Variants in RIMKLA observed in about 807,000 individuals in gnomAD.
RIMKLA encodes ribosomal modification protein rimK like family member A.
Under a neutral mutation model 32.7 loss-of-function variants are expected in RIMKLA, and 14 were observed. The observed-to-expected ratio is 0.43, with a 90% CI of 0.28 to 0.67. The LOEUF (loss-of-function observed/expected upper bound fraction) is 0.67. Ranked by LOEUF, RIMKLA falls within the 30% of genes least tolerant of loss-of-function variation. The probability of loss-of-function intolerance (pLI) is 0.18; values close to 1 mark genes in which losing one functional copy is unlikely to be tolerated. For missense variants in RIMKLA, 410 were observed against 519.0 expected (o/e 0.79, Z 2.04); for synonymous variants, 176 against 204.1 (o/e 0.86, Z 1.18).
Position 42,416,363 on chromosome 1 carries a change from A to G in RIMKLA, c.*1389A>G, listed in dbSNP as rs1420447357. 2 of 152,238 alleles carry G rather than the reference A, an allele frequency of 1.3e-5. No individual in the cohort carries two copies. The highest frequency in any genetic ancestry group is 2.9e-5 in the Non-Finnish European group (2 of 68,038). The allele number at this position is 152,238 out of a possible 1,614,324, so 9.4% of individuals were successfully genotyped here. ...TTGGGATTACCTTTGAAGCCATGCA[A>G]GGCAAGAGGCCTCACAACTTTATAG... On this transcript the variant is annotated 3_prime_UTR_variant, in exon 5 of 5. Transcript: ENST00000431473.
In RIMKLA at chr1:42,410,194, T is replaced by A; in HGVS notation, c.685+7T>A. 4 of 1,613,256 alleles carry A rather than the reference T, an allele frequency of 2.5e-6. No homozygotes were observed. Among genetic ancestry groups the A allele is most frequent in the Non-Finnish European group, 3.4e-6 (4 of 1,179,276 alleles). On this transcript the variant is annotated splice_region_variant and intron_variant, in intron 4 of 4. Transcript: ENST00000431473. ...CAGAGCAACTGCTCTCTCGGTAAGG[T>A]ATAAAAGCACAGGGTTTTATTAGGG...
Position 42,385,883 on chromosome 1 carries a change from TTTCTTTCTTTCTTTCC to T in RIMKLA, c.163+4794_163+4809del, listed in dbSNP as rs1557750091. 1.4e-4 allele frequency among the ~76,000 whole-genome samples: 13 copies of T among 90,248 alleles called. 1 individual carries two copies. The highest frequency in any genetic ancestry group is 8.9e-4 in the East Asian group (4 of 4,518). 59.2% of individuals were successfully genotyped at this position (90,248 alleles called of 152,430 possible). A position where few individuals can be genotyped will look rare whatever the true frequency, so the allele number is the denominator to read the frequency against. On this transcript the variant is annotated intron_variant, in intron 1 of 4. Coordinates refer to ENST00000431473, the MANE Select transcript of RIMKLA (RefSeq NM_173642.4). ...CTTTCTTTCTTTCTTTCTTTCTTTC[TTTCTTTCTTTCTTTCC>T]TTCTTTCCTTCTTTCCTTCTTTCTT...
At chr1:42,399,663 TCATGTG>T in intron 2 of RIMKLA, 29 bp downstream of exon 2, 1 of 1,329,014 alleles carries the variant, frequency 7.5e-7, no homozygotes, top group Non-Finnish European at 1.1e-6. Context: ...GCTTCCCAAA[TCATGTG>T]CATCTCTGTT....
intron 1 of RIMKLA, among the ~76,000 whole-genome samples, chr1:42,382,732 C>T (rs111412756): frequency 0.015 from 2,297 of 152,090 alleles, 47 homozygotes; most frequent in African/African-American, 0.046. Context: ...AAGAATCAGT[C>T]CTAAAAAAAA....
chr1:42,398,858 T>G (rs964707608), intron 1 of RIMKLA, among the ~76,000 whole-genome samples: 1 of 149,632 alleles, frequency 6.7e-6, no homozygotes, highest in African/African-American at 2.5e-5. Flanking sequence ...TTCCAGCTAC[T>G]GGGGAGTCGG....
intron 3 of RIMKLA, among the ~76,000 whole-genome samples, chr1:42,408,478 G>T (rs1047018822): frequency 6.6e-6 from 1 of 152,170 alleles, no homozygotes; most frequent in African/African-American, 2.4e-5. Context: ...GGAGTTCAAT[G>T]GCGCGATCTT....
chr1:42,400,073 G>C (rs940785527), intron 2 of RIMKLA, among the ~76,000 whole-genome samples: 3 of 152,188 alleles, frequency 2.0e-5, no homozygotes, highest in African/African-American at 7.2e-5. Flanking sequence ...CTAACATAGA[G>C]TTACGCTGAA....
rs1432234196 is a variant in RIMKLA, at chr1:42,417,385, G to A, written c.*2411G>A. 3 of 152,262 alleles carry A rather than the reference G, an allele frequency of 2.0e-5. No individual in the cohort carries two copies. Among genetic ancestry groups the A allele is most frequent in the Admixed American group, 2.0e-4 (3 of 15,286 alleles). 9.4% of individuals were successfully genotyped at this position (152,262 alleles called of 1,614,324 possible). A position where few individuals can be genotyped will look rare whatever the true frequency, so the allele number is the denominator to read the frequency against. On this transcript the variant is annotated 3_prime_UTR_variant, in exon 5 of 5. Transcript: ENST00000431473. ...ACCATGCTGGCTGTGGGCTCTGTGA[G>A]CCTCAGCCAGGTGGCCAGGCTATAC...
In RIMKLA at chr1:42,420,135, C is replaced by T. The variant is rs562888000; in HGVS notation, c.*5161C>T. On this transcript the variant is annotated 3_prime_UTR_variant, in exon 5 of 5. Coordinates refer to ENST00000431473, the MANE Select transcript of RIMKLA (RefSeq NM_173642.4). ...CTTGACATCCAGAGAGGTCTGATAACTGGGCTCTGTTTCTGAACCTCTAGA... is the reference window on the plus strand; with the variant it reads ...CTTGACATCCAGAGAGGTCTGATAATTGGGCTCTGTTTCTGAACCTCTAGA... The T allele has an allele frequency of 1.3e-5, 2 of 152,318 alleles. No individual in the cohort carries two copies. Among genetic ancestry groups the T allele is most frequent in the Non-Finnish European group, 2.9e-5 (2 of 68,030 alleles). 9.4% of individuals were successfully genotyped at this position (152,318 alleles called of 1,614,324 possible).
At position 42,421,235 on chromosome 1, in the gene RIMKLA, T is replaced by G. The variant is rs1241542373; in HGVS notation, c.*6261T>G. On this transcript the variant is annotated 3_prime_UTR_variant, in exon 5 of 5. Transcript: ENST00000431473. The surrounding 1 kb of genome is among the most constrained non-coding windows in gnomAD (Gnocchi z 4.6). The stretch of plus-strand genomic sequence containing the variant: ...CAACTGGGGGGCTGGAAAGCCGACC[T>G]GGAAAGCAGCCTGACCTTGGATGAT... 1 of 152,308 alleles carries G rather than the reference T, an allele frequency of 6.6e-6. No homozygotes were observed. Among genetic ancestry groups the G allele is most frequent in the African/African-American group, 2.4e-5 (1 of 41,472 alleles). 9.4% of individuals were successfully genotyped at this position (152,308 alleles called of 1,614,324 possible). A position where few individuals can be genotyped will look rare whatever the true frequency, so the allele number is the denominator to read the frequency against.
intron 1 of RIMKLA, among the ~76,000 whole-genome samples, chr1:42,387,682 T>G (rs921085625): frequency 6.6e-6 from 1 of 152,186 alleles, no homozygotes; most frequent in African/African-American, 2.4e-5. Flanking sequence ...ATTATGATTT[T>G]ATTCATTTTT....
At chr1:42,411,874 G>A (rs1643201890) in intron 4 of RIMKLA, among the ~76,000 whole-genome samples, 1 of 151,968 alleles carries the variant, frequency 6.6e-6, no homozygotes, top group Admixed American at 6.6e-5. Context: ...GTTTCACCGT[G>A]TTAGCCGGGA....
intron 4 of RIMKLA, among the ~76,000 whole-genome samples, chr1:42,413,127 C>CT (rs1375887146): frequency 1.3e-5 from 2 of 151,664 alleles, no homozygotes; most frequent in Non-Finnish European, 2.9e-5. Context: ...GAGTGAGACT[C>CT]TGTCTCAAAT....
chr1:42,392,315 C>T (rs1177158400), intron 1 of RIMKLA, among the ~76,000 whole-genome samples: 1 of 151,794 alleles, frequency 6.6e-6, no homozygotes. Flanking sequence ...TCTCCTCTCC[C>T]TCCCCCTGCT....
Position 42,414,897 on chromosome 1 carries a change from G to C in RIMKLA, c.1099G>C (p.Gly367Arg). The stretch of plus-strand genomic sequence containing the variant: ...CCGGGATTCCTCAGCAAGCACAATG[G>C]GGGCCCCACCCTCCATGCTGCCCGA... ...EIRDSSASTMGAPPSMLPEPG... is the reference protein window; with the variant it reads ...EIRDSSASTMRAPPSMLPEPG... Residue 367 changes from glycine to arginine, a missense_variant, in exon 5 of 5, where the codon GGG (glycine) becomes CGG (arginine). Coordinates refer to ENST00000431473, the MANE Select transcript of RIMKLA (RefSeq NM_173642.4). The C allele has an allele frequency of 6.2e-7, 1 of 1,614,150 alleles. No individual in the cohort carries two copies. Among genetic ancestry groups the C allele is most frequent in the Non-Finnish European group, 8.5e-7 (1 of 1,180,026 alleles).
At chr1:42,385,163 G>A (rs1007623411) in intron 1 of RIMKLA, among the ~76,000 whole-genome samples, 3 of 152,128 alleles carry the variant, frequency 2.0e-5, no homozygotes, top group Non-Finnish European at 2.9e-5. Flanking sequence ...TAGGCCTTCC[G>A]TTAATGTTTA....
At chr1:42,399,281 CA>C in intron 1 of RIMKLA, 122 bp from the exon 2 acceptor site, 1 of 680,874 alleles carries the variant, frequency 1.5e-6, no homozygotes. Flanking sequence ...CCAGGATGTC[CA>C]GGGGGCCAAT....
chr1:42,399,241 A>G (rs576732325), intron 1 of RIMKLA, among the ~76,000 whole-genome samples, 163 bp from the exon 2 acceptor site: 6 of 152,220 alleles, frequency 3.9e-5, no homozygotes, highest in African/African-American at 1.4e-4. Flanking sequence ...TGTTTGGCGT[A>G]TAGGGTTGCC....
chr1:42,387,597 A>G (rs191563972), intron 1 of RIMKLA, among the ~76,000 whole-genome samples: 6 of 152,216 alleles, frequency 3.9e-5, no homozygotes, highest in Admixed American at 3.9e-4. Context: ...TTGAATGCCC[A>G]CTCTGTGCCA....
Sources: gnomAD v4.1 joint callset for allele counts (sites outside exome capture counted in the v4.1 genomes callset) on GRCh38, gnomAD v4.1.1 for gene constraint, Gnocchi (gnomAD v3.1) non-coding constraint, MANE v1.5 for transcripts, NCBI Gene and HGNC (gene_info 2026-07-23, HGNC 2026-07-21) for gene names.